CCDC126: variants seen among roughly 807,000 people sequenced by gnomAD.
CCDC126 encodes coiled-coil domain-containing protein 126.
In CCDC126, 5 loss-of-function variants were observed where a neutral mutation model predicts 11.7. The ratio of observed to expected loss-of-function variants is 0.43; its 90% CI spans 0.22 to 0.90. The LOEUF (loss-of-function observed/expected upper bound fraction) is 0.90. Among genes scored for constraint, CCDC126 ranks in the 40% least tolerant of loss-of-function variants. The probability of loss-of-function intolerance (pLI) is 0.27; values close to 1 mark genes in which losing one functional copy is unlikely to be tolerated. For synonymous variants in CCDC126, 60 were observed against 61.9 expected, an observed-to-expected ratio of 0.97 and a Z score of 0.14; for missense variants, 150 against 163.1, an observed-to-expected ratio of 0.92 and a Z score of 0.44.
intron 2 of CCDC126, among the ~76,000 whole-genome samples, chr7:23,604,527 G>A (rs1782590420): frequency 6.6e-6 from 1 of 152,098 alleles, no homozygotes; most frequent in African/African-American, 2.4e-5. Context: ...TAGTAGCATT[G>A]TTGCATAAAT....
intron 2 of CCDC126, among the ~76,000 whole-genome samples, chr7:23,603,014 G>A (rs1782567884): frequency 6.6e-6 from 1 of 152,112 alleles, no homozygotes. Flanking sequence ...GTTCTTTCAT[G>A]CCTTAAATAG....
chr7:23,621,791 G>C (rs1296615360), intron 3 of CCDC126, among the ~76,000 whole-genome samples: 1 of 152,168 alleles, frequency 6.6e-6, no homozygotes, highest in Non-Finnish European at 1.5e-5. Context: ...TTAGCATGAA[G>C]GCCTGTTGAA....
intron 2 of CCDC126, among the ~76,000 whole-genome samples, chr7:23,610,681 AT>A (rs1208859613): frequency 1.3e-5 from 2 of 152,076 alleles, no homozygotes; most frequent in African/African-American, 4.8e-5. Context: ...TTCTGGTGAC[AT>A]TTTCAAATGT....
intron 3 of CCDC126, among the ~76,000 whole-genome samples, chr7:23,626,872 A>C (rs1282911314): frequency 6.6e-6 from 1 of 152,234 alleles, no homozygotes; most frequent in Non-Finnish European, 1.5e-5. Flanking sequence ...TGACCTGTAC[A>C]TTTTGAACAG....
intron 3 of CCDC126, among the ~76,000 whole-genome samples, chr7:23,630,466 C>G (rs1187707096): frequency 6.6e-6 from 1 of 151,470 alleles, no homozygotes; most frequent in Non-Finnish European, 1.5e-5. Flanking sequence ...CCACTGCATT[C>G]CAGCCTGGGT....
intron 3 of CCDC126, among the ~76,000 whole-genome samples, chr7:23,617,764 T>C (rs1037843519): frequency 1.3e-5 from 2 of 151,970 alleles, no homozygotes; most frequent in African/African-American, 2.4e-5. Context: ...TACCTCCTTA[T>C]GTTTGACAAT....
At chr7:23,639,318 A>G (rs1334438120) in intron 3 of CCDC126, among the ~76,000 whole-genome samples, 1 of 151,570 alleles carries the variant, frequency 6.6e-6, no homozygotes, top group East Asian at 1.9e-4. Flanking sequence ...CAGCCTCCCG[A>G]GTAGCTGGGA....
At chr7:23,614,989 C>G (rs1387915572) in intron 3 of CCDC126, among the ~76,000 whole-genome samples, 1 of 152,174 alleles carries the variant, frequency 6.6e-6, no homozygotes, top group Non-Finnish European at 1.5e-5. Context: ...CTTTAAGTCA[C>G]CAGATGCATT....
At chr7:23,631,414 A>C (rs745520363) in intron 3 of CCDC126, among the ~76,000 whole-genome samples, 9 of 152,200 alleles carry the variant, frequency 5.9e-5, no homozygotes, top group Non-Finnish European at 1.0e-4. Flanking sequence ...ATTTCTCAAA[A>C]AACAAATTGC....
intron 3 of CCDC126, among the ~76,000 whole-genome samples, chr7:23,638,958 G>T (rs1031996393): frequency 6.7e-6 from 1 of 150,288 alleles, no homozygotes; most frequent in Non-Finnish European, 1.5e-5. Flanking sequence ...TGGAAAAGGA[G>T]ATCCAGTATT....
rs1293582747 is a variant in CCDC126 at position 23,644,652 on chromosome 7, C to T, written c.*1537C>T. 6.6e-6 allele frequency: 1 copy of T among 152,404 alleles called. No individual in the cohort carries two copies. The highest frequency in any genetic ancestry group is 1.5e-5 in the Non-Finnish European group (1 of 67,964). The allele number at this position is 152,404 out of a possible 1,614,324, so 9.4% of individuals were successfully genotyped here. On this transcript the variant is annotated 3_prime_UTR_variant, in exon 4 of 4. Coordinates refer to ENST00000307471, the MANE Select transcript of CCDC126 (RefSeq NM_138771.4). ...TTTAGTCTCTCCTATTAGATGTGGA[C>T]ATTTTTGTTTTTGTTTTTGTTTTCA...
Position 23,643,138 on chromosome 7 carries a change from G to T in CCDC126, c.*23G>T. The T allele has an allele frequency of 6.2e-7, 1 of 1,602,806 alleles. No individual in the cohort carries two copies. Among genetic ancestry groups the T allele is most frequent in the African/African-American group, 1.3e-5 (1 of 74,766 alleles). ...TAGCAGTTGAAAATCACCTTGTGCT[G>T]CTCCATCCACTGTGGATTATATCCT... is the stretch of plus-strand genomic sequence containing the variant. On this transcript the variant is annotated 3_prime_UTR_variant, in exon 4 of 4. Coordinates refer to ENST00000307471, the MANE Select transcript of CCDC126 (RefSeq NM_138771.4).
intron 1 of CCDC126, 61 bp downstream of exon 1, chr7:23,597,666 A>T (rs1298323553): frequency 2.0e-5 from 3 of 152,370 alleles, no homozygotes; most frequent in Non-Finnish European, 4.4e-5. Context: ...CCCTCAGCCT[A>T]GCCGGCCGCT....
At chr7:23,611,603 A>G (rs1365431759) in intron 3 of CCDC126, 50 bp downstream of exon 3, 2 of 1,369,066 alleles carry the variant, frequency 1.5e-6, no homozygotes, top group Non-Finnish European at 1.0e-6. Context: ...CTGTTTAAAG[A>G]TGGTTTTGGA....
At chr7:23,614,925 A>G (rs1009158903) in intron 3 of CCDC126, among the ~76,000 whole-genome samples, 3 of 152,250 alleles carry the variant, frequency 2.0e-5, no homozygotes, top group Non-Finnish European at 4.4e-5. Context: ...TAGATTCAGC[A>G]TAATTCATAA....
rs529721541 is a variant in CCDC126, at chr7:23,612,928, G to A, written c.238+1375G>A. Among the ~76,000 whole-genome samples, 57 of 152,206 alleles carry A rather than the reference G, an allele frequency of 3.7e-4. 1 individual carries two copies. Among genetic ancestry groups the A allele is most frequent in the African/African-American group, 1.2e-3 (48 of 41,536 alleles). The stretch of plus-strand genomic sequence containing the variant: ...CTTTCTTTCCTTTAAGACTTAAAAA[G>A]GAGAGAGAACAGATAGTATGGTTCT... On this transcript the variant is annotated intron_variant, in intron 3 of 3. Transcript: ENST00000307471.
intron 3 of CCDC126, among the ~76,000 whole-genome samples, chr7:23,624,606 C>T (rs1347360613): frequency 1.3e-5 from 2 of 152,188 alleles, no homozygotes; most frequent in East Asian, 3.8e-4. Flanking sequence ...AATAAATGAG[C>T]ATGCCTATTT....
chr7:23,629,903 G>A (rs1051115361), intron 3 of CCDC126, among the ~76,000 whole-genome samples: 7 of 152,172 alleles, frequency 4.6e-5, no homozygotes, highest in African/African-American at 1.7e-4. Context: ...AGCAGAGCTG[G>A]AAAAGCAATT....
intron 3 of CCDC126, among the ~76,000 whole-genome samples, chr7:23,632,892 C>T (rs1046520093): frequency 5.9e-5 from 9 of 152,174 alleles, no homozygotes; most frequent in Non-Finnish European, 1.2e-4. Flanking sequence ...CATTATATAG[C>T]ATTTCTTAGG....
Sources: allele counts gnomAD v4.1 joint callset (sites outside exome capture counted in the v4.1 genomes callset), GRCh38; gene constraint gnomAD v4.1.1; transcripts MANE v1.5; gene names NCBI Gene and HGNC (gene_info 2026-07-23, HGNC 2026-07-21).